The following LMCD1 variants were observed in gnomAD, a reference collection of about 807,000 sequenced individuals.
The protein encoded by LMCD1 is LIM and cysteine rich domains 1.
In LMCD1, 32 loss-of-function variants were observed where a neutral mutation model predicts 42.7. That is an observed-to-expected ratio of 0.75 (90% CI 0.57 to 1.01). LMCD1 has a LOEUF of 1.01. LMCD1 is among the 50% of genes least tolerant of loss of function. The pLI, the probability that LMCD1 is intolerant of heterozygous loss-of-function variation, is 0.00. For missense variants in LMCD1, 458 were observed against 483.1 expected (o/e 0.95, Z 0.49); for synonymous variants, 178 against 184.9 (o/e 0.96, Z 0.30).
intron 1 of LMCD1, among the ~76,000 whole-genome samples, chr3:8,524,751 C>T (rs1694268706): frequency 6.6e-6 from 1 of 152,138 alleles, no homozygotes; most frequent in African/African-American, 2.4e-5. Context: ...GTGGCACGAT[C>T]ACAGGTCACT....
rs1559354619 is a variant in LMCD1, at chr3:8,548,633, T to G, written c.453T>G (p.Phe151Leu). 1 of 1,614,136 alleles carries G rather than the reference T, an allele frequency of 6.2e-7. No individual in the cohort carries two copies. The highest frequency in any genetic ancestry group is 1.1e-5 in the South Asian group (1 of 91,084). ...CAGTGACAGGCACAGAGGGTGCCTT[T>G]TACCGCCGCCGCCAGCTCATGCACC... ...KQPVTGTEGA[F>L]YRRRQLMHQL... Residue 151 changes from phenylalanine to leucine, a missense_variant, in exon 4 of 6, where the codon TTT becomes TTG. By Grantham distance (22) the Phe-to-Leu change is conservative (BLOSUM62 0). Transcript: ENST00000157600.
chr3:8,550,776 G>A (rs1694826212), intron 4 of LMCD1: 2 of 985,036 alleles, frequency 2.0e-6, no homozygotes, highest in South Asian at 4.7e-5. Context: ...TCAAATAGCT[G>A]TTTGTTCATA....
Position 8,567,580 on chromosome 3 carries a change from C to A in LMCD1, c.1080C>A (p.Ser360Arg). 6.2e-7 allele frequency: 1 copy of A among 1,613,536 alleles called. No homozygotes were observed. The highest frequency in any genetic ancestry group is 8.5e-7 in the Non-Finnish European group (1 of 1,179,888). The change falls in exon 6 of 6, where the codon AGC becomes AGA. Residue 360 changes from serine (S) to arginine (R), a missense_variant. Physicochemically the swap from Ser to Arg is moderately radical, Grantham distance 110. Transcript: ENST00000157600. ...TKGQLLCPTC[S>R]KSKRS ...GTCAGCTTCTGTGCCCAACTTGCAG[C>A]AAGTCCAAACGCTCCTGAAGGGCTG...
At chr3:8,564,261 A>G (rs1334147921) in intron 4 of LMCD1, among the ~76,000 whole-genome samples, 1 of 151,910 alleles carries the variant, frequency 6.6e-6, no homozygotes, top group Non-Finnish European at 1.5e-5. Context: ...GAACTACTCA[A>G]ATATTATTAT....
intron 4 of LMCD1, among the ~76,000 whole-genome samples, chr3:8,555,566 C>T (rs1003356900): frequency 2.0e-5 from 3 of 152,180 alleles, no homozygotes; most frequent in Non-Finnish European, 4.4e-5. Flanking sequence ...ACCAGCTTCT[C>T]GGCATCTGCC....
In LMCD1 at chr3:8,571,233, G is replaced by T. The variant is rs1216297930; in HGVS notation, c.*3635G>T. The T allele has an allele frequency of 6.6e-6, 1 of 152,142 alleles. No homozygotes were observed. The highest frequency in any genetic ancestry group is 1.5e-5 in the Non-Finnish European group (1 of 68,030). 9.4% of individuals were successfully genotyped at this position (152,142 alleles called of 1,614,324 possible). On this transcript the variant is annotated 3_prime_UTR_variant, in exon 6 of 6. Transcript: ENST00000157600. ...TATTGTGCTATAATTATTTATTCATGAAAGCCTTCCCCTATGAACTTCTAA... is the reference window on the plus strand; with the variant it reads ...TATTGTGCTATAATTATTTATTCATTAAAGCCTTCCCCTATGAACTTCTAA...
intron 1 of LMCD1, among the ~76,000 whole-genome samples, chr3:8,503,248 C>A (rs1447826112): frequency 6.6e-6 from 1 of 152,214 alleles, no homozygotes; most frequent in East Asian, 1.9e-4. Context: ...ACTAAAGACA[C>A]AAACAGCCAC....
intron 1 of LMCD1, among the ~76,000 whole-genome samples, chr3:8,503,546 A>G (rs1693812058): frequency 1.3e-5 from 2 of 152,162 alleles, no homozygotes; most frequent in African/African-American, 2.4e-5. Flanking sequence ...TTATTTCTCT[A>G]TACATTTTTC....
At chr3:8,565,998 C>G (rs935838160) in intron 5 of LMCD1, among the ~76,000 whole-genome samples, 1 of 152,174 alleles carries the variant, frequency 6.6e-6, no homozygotes, top group Non-Finnish European at 1.5e-5. Flanking sequence ...TACCTAACTC[C>G]GGAGCCTCAG....
chr3:8,555,435 A>G (rs192996913), intron 4 of LMCD1, among the ~76,000 whole-genome samples: 1 of 152,264 alleles, frequency 6.6e-6, no homozygotes, highest in East Asian at 1.9e-4. Context: ...GGAGGGTAAG[A>G]GGCCCAGAGA....
chr3:8,503,258 C>T (rs1693802954), intron 1 of LMCD1, among the ~76,000 whole-genome samples: 2 of 152,184 alleles, frequency 1.3e-5, no homozygotes, highest in South Asian at 4.1e-4. Flanking sequence ...CAAACAGCCA[C>T]TCAGAGGCAC....
Position 8,548,889 on chromosome 3 carries a change from AAAG to A in LMCD1, c.713_715del (p.Glu238del), listed in dbSNP as rs1238733944. 2.6e-6 allele frequency: 4 copies of A among 1,528,060 alleles called. No individual in the cohort carries two copies. Among genetic ancestry groups the A allele is most frequent in the Admixed American group, 4.0e-5 (2 of 50,212 alleles). The allele number at this position is 1,528,060 out of a possible 1,614,324, so 94.7% of individuals were successfully genotyped here. A position where few individuals can be genotyped will look rare whatever the true frequency, so the allele number is the denominator to read the frequency against. The stretch of plus-strand genomic sequence containing the variant: ...CAACGGCAGTCTCAGTGACCCGTCC[AAAG>A]AAGTGGAATACGTAAGTTTCTCCCA... On this transcript the variant is annotated inframe_deletion, in exon 4 of 6. Coordinates refer to ENST00000157600, the MANE Select transcript of LMCD1 (RefSeq NM_014583.4).
chr3:8,559,344 A>G (rs1406831167), intron 4 of LMCD1, among the ~76,000 whole-genome samples: 1 of 152,206 alleles, frequency 6.6e-6, no homozygotes, highest in Non-Finnish European at 1.5e-5. Flanking sequence ...GGCAGAGTTA[A>G]GGAATACACG....
At chr3:8,547,644 G>A (rs921964348) in intron 3 of LMCD1, among the ~76,000 whole-genome samples, 1 of 152,150 alleles carries the variant, frequency 6.6e-6, no homozygotes, top group Non-Finnish European at 1.5e-5. Context: ...TGTAATCCCA[G>A]CACTTTGGGA....
At chr3:8,551,312 T>A in intron 4 of LMCD1, 5 of 985,478 alleles carry the variant, frequency 5.1e-6, no homozygotes, top group Non-Finnish European at 6.0e-6. Context: ...ATGGGATCTA[T>A]TTGGATGGCC....
At chr3:8,565,322 A>T in intron 4 of LMCD1, 110 bp from the exon 5 acceptor site, 1 of 894,316 alleles carries the variant, frequency 1.1e-6, no homozygotes, top group South Asian at 1.5e-5. Context: ...AGGTATAGTG[A>T]CTTGCCCAAG....
intron 4 of LMCD1, chr3:8,551,091 G>C (rs758369297): frequency 2.0e-6 from 2 of 985,360 alleles, no homozygotes; most frequent in Non-Finnish European, 2.4e-6. Flanking sequence ...TTATTGGTTG[G>C]GCTAGGCTGG....
intron 3 of LMCD1, among the ~76,000 whole-genome samples, chr3:8,543,394 AGAT>A (rs796150363): frequency 0.14 from 13,113 of 96,366 alleles, 673 homozygotes; most frequent in South Asian, 0.23. Flanking sequence ...ATAGATAGAT[AGAT>A]GATAGATAGA....
intron 1 of LMCD1, among the ~76,000 whole-genome samples, chr3:8,506,955 C>T (rs1211070941): frequency 1.3e-5 from 2 of 152,168 alleles, no homozygotes; most frequent in African/African-American, 4.8e-5. Flanking sequence ...CCACTGAAAG[C>T]GGAATTGTGG....
Sources: allele counts gnomAD v4.1 joint callset (sites outside exome capture counted in the v4.1 genomes callset), GRCh38; gene constraint gnomAD v4.1.1; transcripts MANE v1.5; gene names NCBI Gene and HGNC (gene_info 2026-07-23, HGNC 2026-07-21).